Variants in MRPL3 observed in about 807,000 individuals in gnomAD.
MRPL3 encodes mitochondrial ribosomal protein L3, also known as large ribosomal subunit protein uL3m.
In MRPL3, 43 loss-of-function variants were observed where a neutral mutation model predicts 44.3. That is an observed-to-expected ratio of 0.97 (90% CI 0.76 to 1.25). The LOEUF (loss-of-function observed/expected upper bound fraction) is 1.25. Ranked by LOEUF, MRPL3 falls within the 50% of genes most tolerant of loss-of-function variation. The pLI, the probability that MRPL3 is intolerant of heterozygous loss-of-function variation, is 0.00. For missense variants in MRPL3, 406 were observed against 427.6 expected, an observed-to-expected ratio of 0.95 and a Z score of 0.45; for synonymous variants, 171 against 152.3, an observed-to-expected ratio of 1.12 and a Z score of -0.91.
At chr3:131,469,234 GCACACACACA>G (rs145773394) in intron 8 of MRPL3, among the ~76,000 whole-genome samples, 3 of 135,920 alleles carry the variant, frequency 2.2e-5, no homozygotes, top group Non-Finnish European at 5.0e-5. Context: ...ACACACACAC[GCACACACACA>G]CACACACATT....
At chr3:131,500,945 T>C (rs1319484783) in intron 2 of MRPL3, among the ~76,000 whole-genome samples, 1 of 152,224 alleles carries the variant, frequency 6.6e-6, no homozygotes, top group African/African-American at 2.4e-5. Flanking sequence ...ATTGCTAAAA[T>C]ATGTCAGTCT....
At chr3:131,485,395 T>C (rs1934096688) in intron 6 of MRPL3, among the ~76,000 whole-genome samples, 1 of 152,228 alleles carries the variant, frequency 6.6e-6, no homozygotes, top group African/African-American at 2.4e-5. Flanking sequence ...ATAAAATACA[T>C]AATGGAATTC....
intron 8 of MRPL3, among the ~76,000 whole-genome samples, 193 bp from the exon 9 acceptor site, chr3:131,468,361 T>TG (rs1933668797): frequency 6.6e-6 from 1 of 152,180 alleles, no homozygotes; most frequent in Non-Finnish European, 1.5e-5. Flanking sequence ...ATATATCTTA[T>TG]GGAAGTAGTA....
chr3:131,468,750 G>A (rs1001684812), intron 8 of MRPL3, among the ~76,000 whole-genome samples: 3 of 151,876 alleles, frequency 2.0e-5, no homozygotes, highest in Non-Finnish European at 2.9e-5. Context: ...TCACACACAC[G>A]AAGAAAATAC....
At chr3:131,498,973 A>C (rs1934433320) in intron 3 of MRPL3, among the ~76,000 whole-genome samples, 1 of 152,172 alleles carries the variant, frequency 6.6e-6, no homozygotes, top group African/African-American at 2.4e-5. Flanking sequence ...ACTGAATCAG[A>C]ATCTTTGTGT....
chr3:131,471,642 G>A (rs924069783), intron 6 of MRPL3, among the ~76,000 whole-genome samples: 9 of 152,132 alleles, frequency 5.9e-5, no homozygotes, highest in Admixed American at 5.2e-4. Context: ...AGCAGATATG[G>A]CAAGCAGCCA....
chr3:131,497,107 T>C (rs1477308945), intron 4 of MRPL3, among the ~76,000 whole-genome samples: 3 of 152,192 alleles, frequency 2.0e-5, no homozygotes, highest in African/African-American at 7.2e-5. Flanking sequence ...CTGTGCTCCT[T>C]GGATTTATAA....
intron 6 of MRPL3, chr3:131,479,016 T>G: frequency 2.6e-6 from 1 of 388,872 alleles, no homozygotes; most frequent in Non-Finnish European, 5.0e-6. Flanking sequence ...TTTTAATTTT[T>G]AAAAATCAAA....
In MRPL3 at chr3:131,468,133, A is replaced by T. The variant is rs756174507; in HGVS notation, c.852T>A (p.Tyr284Ter). The T allele has an allele frequency of 5.0e-6, 8 of 1,598,070 alleles. No homozygotes were observed. The highest frequency in any genetic ancestry group is 6.8e-6 in the Non-Finnish European group (8 of 1,173,860). The change falls in exon 9 of 10, where the codon TAT (tyrosine) becomes TAA (stop). Residue 284 changes from tyrosine (Y) to a stop codon, truncating the protein, a stop_gained. Coordinates refer to ENST00000264995, the MANE Select transcript of MRPL3 (RefSeq NM_007208.4). LOFTEE classifies it high-confidence loss of function. The stretch of plus-strand genomic sequence containing the variant: ...TATGTCCAGGTACAGAGCCATTTAC[A>T]TAGATTATGTTGTGCTTTGTGTTTA... ...WRINTKHNII[Y>*]VNGSVPGHKN...
chr3:131,486,364 C>CAAAAAAAAAA (rs36151946), intron 6 of MRPL3, among the ~76,000 whole-genome samples: 11 of 46,708 alleles, frequency 2.4e-4, no homozygotes, highest in Admixed American at 4.3e-4. Context: ...TTCTGCACGG[C>CAAAAAAAAAA]AAAAAAAAAA....
rs774532875 is a variant in MRPL3, at chr3:131,502,962, T to C, written c.-141A>G. On this transcript the variant is annotated 5_prime_UTR_variant, in exon 1 of 10. Coordinates refer to ENST00000264995, the MANE Select transcript of MRPL3 (RefSeq NM_007208.4). The stretch of plus-strand genomic sequence containing the variant: ...GGCCGCCGGAACGGTCGCCGGCCGA[T>C]GCTCTCTGCGACGGAAAGAAAGCCG... 3.2e-5 allele frequency: 25 copies of C among 790,124 alleles called. No individual in the cohort carries two copies. The Admixed American group carries it at 4.1e-4, about 13-fold the overall frequency. 48.9% of individuals were successfully genotyped at this position (790,124 alleles called of 1,614,324 possible). A position where few individuals can be genotyped will look rare whatever the true frequency, so the allele number is the denominator to read the frequency against.
intron 6 of MRPL3, among the ~76,000 whole-genome samples, chr3:131,483,057 T>A: frequency 6.6e-6 from 1 of 151,470 alleles, no homozygotes; most frequent in South Asian, 2.1e-4. Flanking sequence ...GGGCTAAACA[T>A]CCTATGCTGA....
In MRPL3 at chr3:131,501,469, T is replaced by G. The variant is rs188592933; in HGVS notation, c.277+62A>C. ...AAATTATCAAGTAGTCACTATGATT[T>G]TAAATGTGTCCAGCCACACAGTAAT... is the stretch of plus-strand genomic sequence containing the variant. On this transcript the variant is annotated intron_variant, in intron 2 of 9. Coordinates refer to ENST00000264995, the MANE Select transcript of MRPL3 (RefSeq NM_007208.4). 311 of 1,301,620 alleles carry G rather than the reference T, an allele frequency of 2.4e-4. 2 individuals carry two copies. The highest frequency in any genetic ancestry group is 2.8e-4 in the Middle Eastern group (1 of 3,626). 80.6% of individuals were successfully genotyped at this position (1,301,620 alleles called of 1,614,324 possible). A position where few individuals can be genotyped will look rare whatever the true frequency, so the allele number is the denominator to read the frequency against.
chr3:131,463,402 A>T (rs2110692154), intron 9 of MRPL3, among the ~76,000 whole-genome samples: 1 of 151,398 alleles, frequency 6.6e-6, no homozygotes, highest in East Asian at 1.9e-4. Context: ...AAAGTCCTGT[A>T]TTGACGGAAA....
At chr3:131,500,825 T>G (rs1934480978) in intron 2 of MRPL3, among the ~76,000 whole-genome samples, 1 of 152,200 alleles carries the variant, frequency 6.6e-6, no homozygotes, top group South Asian at 2.1e-4. Context: ...AAATCCATCA[T>G]TTTGCTTTCC....
chr3:131,474,700 TA>T (rs1344940676), intron 6 of MRPL3, among the ~76,000 whole-genome samples: 2 of 152,082 alleles, frequency 1.3e-5, no homozygotes, highest in East Asian at 3.9e-4. Flanking sequence ...TGTCTTTGAT[TA>T]TATCAGTATA....
In MRPL3 at chr3:131,487,753, A is replaced by C. The variant is rs774973633; in HGVS notation, c.569-13T>G. The C allele has an allele frequency of 6.2e-7, 1 of 1,602,600 alleles. No homozygotes were observed. The highest frequency in any genetic ancestry group is 8.5e-7 in the Non-Finnish European group (1 of 1,175,262). The stretch of plus-strand genomic sequence containing the variant: ...TAAAGAGGAGTGCCTTTATGAAAAG[A>C]AAATGAAAAATCAATATGAAATTTG... On this transcript the variant is annotated splice_polypyrimidine_tract_variant and intron_variant, in intron 5 of 9. Coordinates refer to ENST00000264995, the MANE Select transcript of MRPL3 (RefSeq NM_007208.4).
chr3:131,490,191 C>T (rs1320365696), intron 4 of MRPL3, 111 bp from the exon 5 acceptor site: 5 of 716,152 alleles, frequency 7.0e-6, no homozygotes, highest in African/African-American at 3.6e-5. Flanking sequence ...TCAAAGCATA[C>T]CTTATTCCTT....
At chr3:131,490,738 A>G (rs1458369435) in intron 4 of MRPL3, among the ~76,000 whole-genome samples, 1 of 152,040 alleles carries the variant, frequency 6.6e-6, no homozygotes, top group Non-Finnish European at 1.5e-5. Context: ...CTCCCACCCC[A>G]CTCTAGGTTA....
Sources: allele counts gnomAD v4.1 joint callset (sites outside exome capture counted in the v4.1 genomes callset), GRCh38; gene constraint gnomAD v4.1.1; transcripts MANE v1.5; gene names NCBI Gene and HGNC (gene_info 2026-07-23, HGNC 2026-07-21).